ADAMTS6: variants seen among roughly 807,000 people sequenced by gnomAD.
The protein encoded by ADAMTS6 is A disintegrin and metalloproteinase with thrombospondin motifs 6.
In ADAMTS6, 23 loss-of-function variants were observed where a neutral mutation model predicts 144.3. The observed-to-expected ratio is 0.16, with a 90% CI of 0.11 to 0.23. The LOEUF is 0.23. Among genes scored for constraint, ADAMTS6 ranks in the 10% least tolerant of loss-of-function variants. The pLI is 1.00. For synonymous variants in ADAMTS6, 444 were observed against 457.5 expected, an observed-to-expected ratio of 0.97 and a Z score of 0.38; for missense variants, 999 against 1,379.6, an observed-to-expected ratio of 0.72 and a Z score of 4.37.
At chr5:65,328,395 G>A (rs1337084605) in intron 9 of ADAMTS6, among the ~76,000 whole-genome samples, 1 of 152,034 alleles carries the variant, frequency 6.6e-6, no homozygotes, top group Non-Finnish European at 1.5e-5. Context: ...CAAATGTCAG[G>A]AGTTCTTGCA....
chr5:65,371,601 C>T (rs200895374), intron 7 of ADAMTS6, among the ~76,000 whole-genome samples: 1 of 152,094 alleles, frequency 6.6e-6, no homozygotes, highest in Admixed American at 6.5e-5. Flanking sequence ...AACAAAGCCT[C>T]CAAGAAATAT....
At chr5:65,382,966 G>A (rs1264303787) in intron 7 of ADAMTS6, among the ~76,000 whole-genome samples, 3 of 152,116 alleles carry the variant, frequency 2.0e-5, no homozygotes, top group African/African-American at 7.2e-5. Context: ...TTCCTAAATG[G>A]CAATTGTTTG....
chr5:65,232,744 T>C (rs1320831652), intron 15 of ADAMTS6, among the ~76,000 whole-genome samples: 2 of 151,526 alleles, frequency 1.3e-5, no homozygotes, highest in Non-Finnish European at 2.9e-5. Flanking sequence ...TACCTTATAC[T>C]TCACCAGTGA....
Position 65,291,622 on chromosome 5 carries a change from G to A in ADAMTS6, c.1371-152C>T, listed in dbSNP as rs1742312000. ...AATAATCACATGGCAGAACAGAATAGCTTTACTGAAACCTGAATAAGAGCT... is the reference window on the plus strand; with the variant it reads ...AATAATCACATGGCAGAACAGAATAACTTTACTGAAACCTGAATAAGAGCT... On this transcript the variant is annotated intron_variant, in intron 10 of 24. Coordinates refer to ENST00000381055, the MANE Select transcript of ADAMTS6 (RefSeq NM_197941.4). 4 of 747,178 alleles carry A rather than the reference G, an allele frequency of 5.4e-6. No individual in the cohort carries two copies. In the South Asian group the frequency reaches 1.5e-4, roughly 29 times the overall value. The allele number at this position is 747,178 out of a possible 1,614,324, so 46.3% of individuals were successfully genotyped here.
chr5:65,265,101 A>G (rs1761509485), intron 12 of ADAMTS6, among the ~76,000 whole-genome samples: 1 of 152,124 alleles, frequency 6.6e-6, no homozygotes, highest in Admixed American at 6.6e-5. Context: ...TGTCTATAAA[A>G]AATTAGGCAA....
chr5:65,224,491 C>T, intron 17 of ADAMTS6, 91 bp from the exon 18 acceptor site: 1 of 1,111,950 alleles, frequency 9.0e-7, no homozygotes. Context: ...CCTTATTATT[C>T]CATTCTCTCT....
At chr5:65,264,242 T>TA (rs1302511910) in intron 12 of ADAMTS6, among the ~76,000 whole-genome samples, 3 of 152,186 alleles carry the variant, frequency 2.0e-5, no homozygotes, top group Non-Finnish European at 4.4e-5. Context: ...CCTATTTCCA[T>TA]AACACTGATC....
rs971052735 is a variant in ADAMTS6, at chr5:65,199,728, TACTCATTC to T, written c.2576-2585_2576-2578del. 3.9e-5 allele frequency among the ~76,000 whole-genome samples: 6 copies of T among 152,294 alleles called. 1 individual carries two copies. Among genetic ancestry groups the T allele is most frequent in the African/African-American group, 1.4e-4 (6 of 41,574 alleles). On this transcript the variant is annotated intron_variant, in intron 20 of 24. Coordinates refer to ENST00000381055, the MANE Select transcript of ADAMTS6 (RefSeq NM_197941.4). ...GTAGTTGGCAGGTCATTCATTCATT[TACTCATTC>T]ATTCATTCATTCAACAGAGATAGTT...
chr5:65,291,546 G>A, intron 10 of ADAMTS6, 76 bp from the exon 11 acceptor site: 2 of 1,432,702 alleles, frequency 1.4e-6, no homozygotes, highest in South Asian at 3.2e-5. Flanking sequence ...ACCACGTGTT[G>A]AGCTTTGTTT....
At chr5:65,445,107 A>G (rs1476624989) in intron 7 of ADAMTS6, among the ~76,000 whole-genome samples, 10 of 152,350 alleles carry the variant, frequency 6.6e-5, no homozygotes, top group South Asian at 4.1e-4. Context: ...TAACTGTTTA[A>G]TGACGCCTAC....
At chr5:65,395,795 T>C (rs1580593180) in intron 7 of ADAMTS6, among the ~76,000 whole-genome samples, 1 of 152,182 alleles carries the variant, frequency 6.6e-6, no homozygotes, top group African/African-American at 2.4e-5. Context: ...ACCAAAAAAA[T>C]CGTCCCAGCC....
rs1756727227 is a variant in ADAMTS6 at position 65,214,078 on chromosome 5, C to T, written c.2575+716G>A. ...CAAGGGTGTTGGCTTTGAAGGAAGC[C>T]AACTGTCCTGCTCTCCCAGCCAGAG... On this transcript the variant is annotated intron_variant, in intron 20 of 24. Transcript: ENST00000381055. The surrounding 1 kb of genome is among the most constrained non-coding windows in gnomAD (Gnocchi z 4.6). The T allele has an allele frequency of 5.8e-6, 1 of 171,976 alleles. No homozygotes were observed. Among genetic ancestry groups the T allele is most frequent in the Admixed American group, 6.3e-5 (1 of 15,946 alleles). 10.7% of individuals were successfully genotyped at this position (171,976 alleles called of 1,614,324 possible). A position where few individuals can be genotyped will look rare whatever the true frequency, so the allele number is the denominator to read the frequency against.
intron 24 of ADAMTS6, among the ~76,000 whole-genome samples, chr5:65,157,930 G>A (rs577806094): frequency 4.2e-4 from 64 of 152,210 alleles, no homozygotes; most frequent in East Asian, 1.9e-3. Flanking sequence ...ATCAGCTATC[G>A]AACTTTACAC....
At chr5:65,437,164 G>A (rs968102129) in intron 7 of ADAMTS6, among the ~76,000 whole-genome samples, 7 of 150,708 alleles carry the variant, frequency 4.6e-5, no homozygotes, top group East Asian at 2.0e-4. Context: ...GTGCGATCTC[G>A]GCTCACTGCA....
At chr5:65,451,053 A>G (rs1369912639) in intron 7 of ADAMTS6, among the ~76,000 whole-genome samples, 1 of 152,158 alleles carries the variant, frequency 6.6e-6, no homozygotes, top group Non-Finnish European at 1.5e-5. Flanking sequence ...CCTCCCTTTT[A>G]ATAAACTTTA....
intron 7 of ADAMTS6, among the ~76,000 whole-genome samples, chr5:65,406,282 T>A (rs988556176): frequency 4.6e-5 from 7 of 152,146 alleles, no homozygotes; most frequent in Non-Finnish European, 1.5e-5. Context: ...TGGCTGTGGG[T>A]TTGTCATAAA....
intron 9 of ADAMTS6, among the ~76,000 whole-genome samples, chr5:65,318,240 C>A (rs1745210113): frequency 1.3e-5 from 2 of 152,010 alleles, no homozygotes; most frequent in South Asian, 4.1e-4. Flanking sequence ...CAAATGCTGG[C>A]AAAGATGTAG....
At chr5:65,337,516 T>C (rs1747417727) in intron 7 of ADAMTS6, among the ~76,000 whole-genome samples, 1 of 152,128 alleles carries the variant, frequency 6.6e-6, no homozygotes. Flanking sequence ...CTTACAAATG[T>C]AAAAATCTTG....
Position 65,406,139 on chromosome 5 carries a change from T to G in ADAMTS6, c.1073+45336A>C, listed in dbSNP as rs546579050. On this transcript the variant is annotated intron_variant, in intron 7 of 24. Coordinates refer to ENST00000381055, the MANE Select transcript of ADAMTS6 (RefSeq NM_197941.4). ...TTTTCCTAATTGAATACCCTTTATT[T>G]CTTTCTCCTGCCTAATTGCCCTGGC... is the stretch of plus-strand genomic sequence containing the variant. Among the ~76,000 whole-genome samples, 25 of 152,294 alleles carry G rather than the reference T, an allele frequency of 1.6e-4. No homozygotes were observed. In the South Asian group the frequency reaches 2.3e-3, roughly 14 times the overall value.
Sources: gnomAD v4.1 joint callset for allele counts (sites outside exome capture counted in the v4.1 genomes callset) on GRCh38, gnomAD v4.1.1 for gene constraint, Gnocchi (gnomAD v3.1) non-coding constraint, MANE v1.5 for transcripts, NCBI Gene and HGNC (gene_info 2026-07-23, HGNC 2026-07-21) for gene names.